TECRL: variants seen among roughly 807,000 people sequenced by gnomAD.
TECRL encodes the protein trans-2,3-enoyl-CoA reductase-like.
Under a neutral mutation model 52.8 loss-of-function variants are expected in TECRL, and 63 were observed. The observed-to-expected ratio is 1.19, with a 90% CI of 0.97 to 1.47. The LOEUF (loss-of-function observed/expected upper bound fraction) is 1.47, where lower values mean the gene tolerates loss of function less well. TECRL is among the 40% of genes most tolerant of loss of function. TECRL has a pLI of 0.00. For missense variants in TECRL, 482 were observed against 429.6 expected, an observed-to-expected ratio of 1.12 and a Z score of -1.08; for synonymous variants, 164 against 141.9, an observed-to-expected ratio of 1.16 and a Z score of -1.10.
chr4:64,402,385 T>G (rs1724414131), intron 1 of TECRL, among the ~76,000 whole-genome samples: 3 of 152,064 alleles, frequency 2.0e-5, no homozygotes, highest in Admixed American at 2.0e-4. Context: ...ATGATTAAAA[T>G]AGTAGGTTGG....
chr4:64,295,685 A>C (rs971868477), intron 8 of TECRL, among the ~76,000 whole-genome samples: 1 of 151,886 alleles, frequency 6.6e-6, no homozygotes, highest in East Asian at 1.9e-4. Flanking sequence ...ATTAGATTCG[A>C]TATCACATAT....
chr4:64,368,220 GC>G (rs1721736608), intron 2 of TECRL, among the ~76,000 whole-genome samples: 1 of 148,312 alleles, frequency 6.7e-6, no homozygotes, highest in African/African-American at 2.6e-5. Flanking sequence ...GAATAATTTG[GC>G]AAATTACCCT....
intron 4 of TECRL, among the ~76,000 whole-genome samples, chr4:64,315,174 C>T (rs1024750154): frequency 6.6e-6 from 1 of 151,852 alleles, no homozygotes; most frequent in Admixed American, 6.6e-5. Flanking sequence ...TTCTTTTCTT[C>T]CCTACCCTAC....
chr4:64,362,708 T>G (rs951780341), intron 2 of TECRL, among the ~76,000 whole-genome samples: 1 of 151,992 alleles, frequency 6.6e-6, no homozygotes, highest in Non-Finnish European at 1.5e-5. Flanking sequence ...GTGCTAAACA[T>G]GGAAATGAAA....
At chr4:64,331,092 A>G (rs1470696470) in intron 2 of TECRL, among the ~76,000 whole-genome samples, 2 of 152,116 alleles carry the variant, frequency 1.3e-5, no homozygotes, top group African/African-American at 4.8e-5. Flanking sequence ...GCCCTAGGCC[A>G]GTACTAGTGT....
At chr4:64,329,343 A>G (rs1718473802) in intron 2 of TECRL, among the ~76,000 whole-genome samples, 1 of 151,960 alleles carries the variant, frequency 6.6e-6, no homozygotes, top group African/African-American at 2.4e-5. Context: ...GGAATTTTCC[A>G]CAATTATCTT....
At chr4:64,373,933 C>CTA (rs1350007400) in intron 2 of TECRL, among the ~76,000 whole-genome samples, 1 of 146,624 alleles carries the variant, frequency 6.8e-6, no homozygotes, top group African/African-American at 2.5e-5. Flanking sequence ...ACTATATACA[C>CTA]TATATATATA....
rs564061606 is a variant in TECRL at position 64,390,351 on chromosome 4, A to G, written c.235-15128T>C. The stretch of plus-strand genomic sequence containing the variant: ...TCAGAGGGAATGTTTTATATCTTCA[A>G]CATGTCAAAGTGGAGCATGATCATG... On this transcript the variant is annotated intron_variant, in intron 1 of 11. Transcript: ENST00000381210. Among the ~76,000 whole-genome samples the G allele has an allele frequency of 2.0e-5, 3 of 151,974 alleles. No individual in the cohort carries two copies. In the South Asian group the frequency reaches 6.2e-4, roughly 32 times the overall value.
intron 2 of TECRL, among the ~76,000 whole-genome samples, chr4:64,371,653 T>G (rs1009574326): frequency 2.0e-5 from 3 of 151,722 alleles, no homozygotes; most frequent in Non-Finnish European, 3.0e-5. Flanking sequence ...ATAGGAATTT[T>G]TCACTTTTCT....
At chr4:64,281,964 GT>G (rs1458513451) in intron 9 of TECRL, among the ~76,000 whole-genome samples, 1 of 151,778 alleles carries the variant, frequency 6.6e-6, no homozygotes, top group Middle Eastern at 3.2e-3. Context: ...AGATACATTT[GT>G]TTGAGATTAT....
chr4:64,343,857 A>T (rs983309990), intron 2 of TECRL, among the ~76,000 whole-genome samples: 1 of 152,110 alleles, frequency 6.6e-6, no homozygotes, highest in East Asian at 1.9e-4. Flanking sequence ...AGAAAAAAAT[A>T]AAGTATGAAC....
chr4:64,313,682 C>T (rs1264701213), intron 5 of TECRL, among the ~76,000 whole-genome samples: 9 of 149,790 alleles, frequency 6.0e-5, no homozygotes, highest in African/African-American at 2.2e-4. Context: ...GGGGTTTCAC[C>T]GTGTTAGCCA....
At chr4:64,370,110 A>G (rs1049639411) in intron 2 of TECRL, among the ~76,000 whole-genome samples, 16 of 151,910 alleles carry the variant, frequency 1.1e-4, no homozygotes, top group African/African-American at 3.6e-4. Context: ...GTATAGGAAT[A>G]CTTTGCATAA....
In TECRL at chr4:64,348,194, G is replaced by A. The variant is rs561865649; in HGVS notation, c.287-19638C>T. On this transcript the variant is annotated intron_variant, in intron 2 of 11. Transcript: ENST00000381210. ...GTTCCACATGGCTGAGGAGGTCTCA[G>A]GAAAGATATAATCATGGCGGAAGGC... Among the ~76,000 whole-genome samples the A allele has an allele frequency of 3.3e-5, 5 of 152,140 alleles. No individual in the cohort carries two copies. In the East Asian group the frequency reaches 9.6e-4, roughly 29 times the overall value.
At chr4:64,320,912 C>A (rs1717854275) in intron 4 of TECRL, among the ~76,000 whole-genome samples, 1 of 152,062 alleles carries the variant, frequency 6.6e-6, no homozygotes, top group South Asian at 2.1e-4. Flanking sequence ...AGGTTCTAAA[C>A]TCAATCTTTA....
At chr4:64,310,330 A>G (rs7672597) in intron 5 of TECRL, among the ~76,000 whole-genome samples, 4,352 of 152,338 alleles carry the variant, frequency 0.029, 65 homozygotes, top group Non-Finnish European at 0.038. Flanking sequence ...TTGACATTTT[A>G]TAATAGTCAG....
At chr4:64,290,427 T>C (rs1188975923) in intron 8 of TECRL, among the ~76,000 whole-genome samples, 1 of 152,136 alleles carries the variant, frequency 6.6e-6, no homozygotes. Flanking sequence ...CATATATACC[T>C]CATCTGATTT....
chr4:64,348,010 A>AT (rs1720111553), intron 2 of TECRL, among the ~76,000 whole-genome samples: 1 of 152,092 alleles, frequency 6.6e-6, no homozygotes, highest in Non-Finnish European at 1.5e-5. Flanking sequence ...ACTTCTACTC[A>AT]CTACCCAGTT....
At position 64,322,719 on chromosome 4, in the gene TECRL, T is replaced by A. The variant is rs1717990306; in HGVS notation, c.405A>T (p.Thr135=). ...TCCAACTGACTTGTTGACCTAGGTC[T>A]GTAGCATACAGTGTGACAATGGAGG... ...AASSIVTLYA[T]DLGQQVSWTT... The change falls in exon 4 of 12, where the codon ACA becomes ACT. Residue 135 remains threonine (T), a synonymous_variant. Transcript: ENST00000381210. The A allele has an allele frequency of 1.2e-6, 2 of 1,611,146 alleles. No individual in the cohort carries two copies. The highest frequency in any genetic ancestry group is 1.7e-6 in the Non-Finnish European group (2 of 1,178,436).
Sources: allele counts gnomAD v4.1 joint callset (sites outside exome capture counted in the v4.1 genomes callset), GRCh38; gene constraint gnomAD v4.1.1; transcripts MANE v1.5; gene names NCBI Gene and HGNC (gene_info 2026-07-23, HGNC 2026-07-21).